ADGRE1: variants seen among roughly 807,000 people sequenced by gnomAD.
The protein encoded by ADGRE1 is adhesion G protein-coupled receptor E1.
In ADGRE1, 82 loss-of-function variants were observed where a neutral mutation model predicts 102.7. The ratio of observed to expected loss-of-function variants is 0.80; its 90% CI spans 0.67 to 0.96. The LOEUF is 0.96. Among genes scored for constraint, ADGRE1 ranks in the 40% least tolerant of loss-of-function variants. The pLI is 0.00. For synonymous variants in ADGRE1, 398 were observed against 399.6 expected, an observed-to-expected ratio of 1.00 and a Z score of 0.05; for missense variants, 1,032 against 1,085.3, an observed-to-expected ratio of 0.95 and a Z score of 0.69.
intron 5 of ADGRE1, 26 bp from the exon 6 acceptor site, chr19:6,901,849 C>T: frequency 6.2e-7 from 1 of 1,612,298 alleles, no homozygotes; most frequent in Non-Finnish European, 8.5e-7. Context: ...TTTACCTTGA[C>T]CTGGGTTTTC....
chr19:6,938,344 A>AAATG (rs1568368543), intron 20 of ADGRE1, among the ~76,000 whole-genome samples: 1 of 151,376 alleles, frequency 6.6e-6, no homozygotes, highest in Non-Finnish European at 1.5e-5. Context: ...TCTCAAAAAA[A>AAATG]AATTAAATAA....
Position 6,916,438 on chromosome 19 carries a change from A to G in ADGRE1, c.1420+70A>G, listed in dbSNP as rs543084774. 1.1e-4 allele frequency: 167 copies of G among 1,539,222 alleles called. No individual in the cohort carries two copies. In the African/African-American group the frequency reaches 1.9e-3, roughly 18 times the overall value. ...AATAAGTATTTATCGATCCCTTTCTAGGTGCCAAGACCAGTGCCAGATAGT... is the reference window on the plus strand; with the variant it reads ...AATAAGTATTTATCGATCCCTTTCTGGGTGCCAAGACCAGTGCCAGATAGT... On this transcript the variant is annotated intron_variant, in intron 12 of 20. Transcript: ENST00000312053.
At chr19:6,905,206 G>A (rs113091430) in intron 8 of ADGRE1, among the ~76,000 whole-genome samples, 114 of 152,188 alleles carry the variant, frequency 7.5e-4, no homozygotes, top group African/African-American at 2.3e-3. Context: ...AAATTAGCCA[G>A]GTGTAGTAGC....
At chr19:6,934,850 G>T (rs997259255) in intron 17 of ADGRE1, 137 bp from the exon 18 acceptor site, 2 of 388,580 alleles carry the variant, frequency 5.1e-6, no homozygotes, top group Admixed American at 4.1e-5. Context: ...CAAGAGATCC[G>T]CCCGCCTCAG....
At chr19:6,929,576 G>C (rs1429225822) in intron 17 of ADGRE1, among the ~76,000 whole-genome samples, 1 of 151,736 alleles carries the variant, frequency 6.6e-6, no homozygotes, top group Non-Finnish European at 1.5e-5. Flanking sequence ...ACGCTGGAGT[G>C]CAGTGGTGCA....
chr19:6,934,764 A>ACTT (rs1182605283), intron 17 of ADGRE1, among the ~76,000 whole-genome samples: 1 of 136,772 alleles, frequency 7.3e-6, no homozygotes, highest in African/African-American at 2.7e-5. Flanking sequence ...TGCATGGCTA[A>ACTT]TTTTTTTTTT....
At chr19:6,934,844 A>C (rs964405208) in intron 17 of ADGRE1, 143 bp from the exon 18 acceptor site, 2 of 386,888 alleles carry the variant, frequency 5.2e-6, no homozygotes, top group Non-Finnish European at 9.2e-6. Flanking sequence ...TGACCTCAAG[A>C]GATCCGCCCG....
chr19:6,938,236 C>T (rs1392839176), intron 20 of ADGRE1, among the ~76,000 whole-genome samples: 1 of 151,976 alleles, frequency 6.6e-6, no homozygotes, highest in African/African-American at 2.4e-5. Context: ...ACTCATGAGG[C>T]TGAGGCAGGA....
chr19:6,911,385 G>GTTTTTTTTTTTTTTTTTTTTTT (rs772959056), intron 10 of ADGRE1, among the ~76,000 whole-genome samples: 9 of 79,844 alleles, frequency 1.1e-4, no homozygotes, highest in East Asian at 4.0e-4. Flanking sequence ...ATTCCTTTTA[G>GTTTTTTTTTTTTTTTTTTTTTT]TTTTTTTTTT....
intron 1 of ADGRE1, 60 bp from the exon 2 acceptor site, chr19:6,890,421 G>GTTTTTTTTTTT (rs57355800): frequency 2.0e-5 from 9 of 451,296 alleles, no homozygotes; most frequent in South Asian, 1.5e-4. Context: ...AGCCCAAAAG[G>GTTTTTTTTTTT]TTTTTTTTTT....
rs2144983177 is a variant in ADGRE1 at position 6,921,824 on chromosome 19, A to G, written c.1732A>G (p.Ile578Val). The G allele has an allele frequency of 3.7e-6, 6 of 1,614,030 alleles. No individual in the cohort carries two copies. Among genetic ancestry groups the G allele is most frequent in the Non-Finnish European group, 5.1e-6 (6 of 1,179,998 alleles). The change falls in exon 14 of 21, where the codon ATC (isoleucine) becomes GTC (valine). Residue 578 changes from isoleucine (I) to valine (V), a missense_variant. By Grantham distance (29) the Ile-to-Val change is conservative. Transcript: ENST00000312053. ...CCTGGAAGCTTCTGAGACATATACCATCTGCAGCTGTAATCAGATGGCAAA... is the reference window on the plus strand; with the variant it reads ...CCTGGAAGCTTCTGAGACATATACCGTCTGCAGCTGTAATCAGATGGCAAA... The part of the protein sequence containing the change: ...VILEASETYT[I>V]CSCNQMANLA...
rs562191164 is a variant in ADGRE1 at position 6,907,636 on chromosome 19, G to C, written c.1039-1053G>C. 3.7e-4 allele frequency among the ~76,000 whole-genome samples: 57 copies of C among 152,178 alleles called. No homozygotes were observed. In the South Asian group the frequency reaches 0.011, roughly 30 times the overall value. On this transcript the variant is annotated intron_variant, in intron 9 of 20. Transcript: ENST00000312053. The stretch of plus-strand genomic sequence containing the variant: ...ATTACAGGTGTGAGCACCGTGCTCA[G>C]CCAAGTTCTGGAATATTTTTATCAC...
intron 20 of ADGRE1, among the ~76,000 whole-genome samples, chr19:6,939,812 C>T (rs534170559): frequency 1.1e-4 from 16 of 152,228 alleles, no homozygotes; most frequent in South Asian, 4.2e-4. Flanking sequence ...CCAGAGTGGG[C>T]GCTGTCAATG....
rs867998017 is a variant in ADGRE1, at chr19:6,888,663, C to T, written c.31+1024C>T. The stretch of plus-strand genomic sequence containing the variant: ...GTGAAGCCAGATTTTTAAACCTAAG[C>T]ACTTTGACTTCAGACTTTGTATGCC... On this transcript the variant is annotated intron_variant, in intron 1 of 20. Coordinates refer to ENST00000312053, the MANE Select transcript of ADGRE1 (RefSeq NM_001974.5). Among the ~76,000 whole-genome samples, 15 of 152,284 alleles carry T rather than the reference C, an allele frequency of 9.9e-5. No individual in the cohort carries two copies. In the South Asian group the frequency reaches 2.5e-3, roughly 25 times the overall value.
rs949760929 is a variant in ADGRE1 at position 6,903,801 on chromosome 19, A to G, written c.662-9A>G. 2 of 1,613,780 alleles carry G rather than the reference A, an allele frequency of 1.2e-6. No individual in the cohort carries two copies. Among genetic ancestry groups the G allele is most frequent in the Admixed American group, 1.7e-5 (1 of 59,976 alleles). On this transcript the variant is annotated splice_polypyrimidine_tract_variant and intron_variant, in intron 6 of 20. Coordinates refer to ENST00000312053, the MANE Select transcript of ADGRE1 (RefSeq NM_001974.5). ...CAACTTGGCTCCACACCCATTCTGT[A>G]CCCCACAGATATTGATGAATGCACT...
intron 5 of ADGRE1, among the ~76,000 whole-genome samples, chr19:6,901,189 A>G (rs544601541): frequency 3.3e-5 from 5 of 152,340 alleles, no homozygotes; most frequent in Admixed American, 3.3e-4. Context: ...TTCACCATGT[A>G]GCTACACCTA....
At chr19:6,901,038 T>G (rs73920237) in intron 5 of ADGRE1, among the ~76,000 whole-genome samples, 5,733 of 152,218 alleles carry the variant, frequency 0.038, 387 homozygotes, top group African/African-American at 0.13. Context: ...CTCATCCCCA[T>G]GGTTGGGAAT....
chr19:6,919,177 T>A (rs1310916373), intron 12 of ADGRE1, among the ~76,000 whole-genome samples: 1 of 151,948 alleles, frequency 6.6e-6, no homozygotes, highest in Non-Finnish European at 1.5e-5. Context: ...GAGCTACAGG[T>A]GCGCATCACC....
rs537289224 is a variant in ADGRE1, at chr19:6,931,225, C to T, written c.2289+3014C>T. On this transcript the variant is annotated intron_variant, in intron 17 of 20. Transcript: ENST00000312053. ...TGCCTAGTTTCATTTGTAATGTTTA[C>T]TTGACTGATCTAAGTCTTGGGAATG... is the stretch of plus-strand genomic sequence containing the variant. 2.6e-5 allele frequency among the ~76,000 whole-genome samples: 4 copies of T among 152,180 alleles called. No individual in the cohort carries two copies. In the East Asian group the frequency reaches 5.8e-4, roughly 22 times the overall value.
Sources: allele counts gnomAD v4.1 joint callset (sites outside exome capture counted in the v4.1 genomes callset), GRCh38; gene constraint gnomAD v4.1.1; transcripts MANE v1.5; gene names NCBI Gene and HGNC (gene_info 2026-07-23, HGNC 2026-07-21).